CHADL: variants seen among roughly 807,000 people sequenced by gnomAD.
CHADL encodes chondroadherin-like protein.
A neutral mutation model predicts 52.1 loss-of-function variants in CHADL; 48 were observed. The observed-to-expected ratio is 0.92, with a 90% CI of 0.73 to 1.17. CHADL has a LOEUF of 1.17. Among genes scored for constraint, CHADL ranks in the 50% most tolerant of loss-of-function variants. The pLI, the probability that CHADL is intolerant of heterozygous loss-of-function variation, is 0.00. For missense variants in CHADL, 977 were observed against 1,035.1 expected (o/e 0.94, Z 0.77); for synonymous variants, 498 against 511.2 (o/e 0.97, Z 0.35).
intron 1 of CHADL, 64 bp from the exon 2 acceptor site, chr22:41,239,684 G>A: frequency 7.2e-7 from 1 of 1,385,428 alleles, no homozygotes; most frequent in Admixed American, 2.9e-5. Context: ...CCCTCACTTA[G>A]TCCCAGCCAT....
intron 5 of CHADL, among the ~76,000 whole-genome samples, chr22:41,231,804 C>G (rs931134663): frequency 2.6e-5 from 4 of 152,152 alleles, no homozygotes; most frequent in African/African-American, 7.2e-5. Context: ...ACAGGTGAGA[C>G]CAAATCCAGA....
chr22:41,230,437 C>T (rs2032523411), intron 5 of CHADL: 4 of 592,890 alleles, frequency 6.7e-6, no homozygotes, highest in Admixed American at 3.0e-5. Flanking sequence ...GTTGCTTCTG[C>T]CCTCCCCTGT....
At chr22:41,230,002 C>A in intron 5 of CHADL, 1 of 720,310 alleles carries the variant, frequency 1.4e-6, no homozygotes. Context: ...ACTGCCCTCC[C>A]AGAAGGGAAG....
At position 41,235,334 on chromosome 22, in the gene CHADL, A is replaced by T; in HGVS notation, c.2073T>A (p.Thr691=). ...CQLLPLHRWL[T]GLNLRVGATC... ...TGGCCCCCACCCGCAGGTTCAGCCC[A>T]GTAAGCCACCTGAAGAGAAAAGAGA... The change falls in exon 5 of 6, where the codon ACT becomes ACA. Residue 691 remains threonine (T), a synonymous_variant. Coordinates refer to ENST00000216241, the MANE Select transcript of CHADL (RefSeq NM_138481.2). The T allele has an allele frequency of 6.4e-7, 1 of 1,550,700 alleles. No homozygotes were observed. The highest frequency in any genetic ancestry group is 8.7e-7 in the Non-Finnish European group (1 of 1,146,926).
intron 5 of CHADL, among the ~76,000 whole-genome samples, chr22:41,231,891 G>A (rs2032602653): frequency 2.0e-5 from 3 of 152,144 alleles, no homozygotes; most frequent in Admixed American, 2.0e-4. Flanking sequence ...GGAAAGGGAT[G>A]CAAGGGAACT....
chr22:41,232,331 CAAA>C (rs58285002), intron 5 of CHADL, among the ~76,000 whole-genome samples: 2 of 133,668 alleles, frequency 1.5e-5, no homozygotes, highest in Non-Finnish European at 1.6e-5. Flanking sequence ...GACTCTGTCT[CAAA>C]AAAAAAAAAA....
At chr22:41,229,807 G>A (rs146138408) in intron 5 of CHADL, 77 bp from the exon 6 acceptor site, 1 of 1,334,660 alleles carries the variant, frequency 7.5e-7, no homozygotes, top group African/African-American at 1.4e-5. Flanking sequence ...TGGACCCAGG[G>A]TGTTTCCCAG....
At chr22:41,236,701 C>T (rs757219720) in intron 3 of CHADL, 51 bp from the exon 4 acceptor site, 240 of 1,485,498 alleles carry the variant, frequency 1.6e-4, no homozygotes, top group Non-Finnish European at 2.1e-4. Flanking sequence ...AGCTGTCCCA[C>T]CCCCAAGTCT....
In CHADL at chr22:41,238,106, G is replaced by C. The variant is rs1275745792; in HGVS notation, c.966C>G (p.Leu322=). 5.3e-6 allele frequency: 7 copies of C among 1,308,828 alleles called. No homozygotes were observed. Among genetic ancestry groups the C allele is most frequent in the Non-Finnish European group, 5.8e-6 (6 of 1,035,626 alleles). 81.1% of individuals were successfully genotyped at this position (1,308,828 alleles called of 1,614,324 possible). A position where few individuals can be genotyped will look rare whatever the true frequency, so the allele number is the denominator to read the frequency against. Residue 322 remains leucine, a synonymous_variant, in exon 3 of 6, where the codon CTC becomes CTG. Transcript: ENST00000216241. The surrounding 1 kb of genome is among the most constrained non-coding windows in gnomAD (Gnocchi z 4.9). The stretch of plus-strand genomic sequence containing the variant: ...GCACGCGCGCCCGCGCCAGCCACTC[G>C]AGTAGGGGCCGCGCCTGGCAGCCGC... The part of the protein sequence containing the change: ...LWCGCQARPL[L]EWLARARVRS...
chr22:41,238,866 A>C lies in CHADL; in HGVS notation c.206T>G (p.Leu69Arg). 1 of 1,538,268 alleles carries C rather than the reference A, an allele frequency of 6.5e-7. No individual in the cohort carries two copies. Among genetic ancestry groups the C allele is most frequent in the Non-Finnish European group, 8.8e-7 (1 of 1,137,604 alleles). ...AIPELTQRLD[L>R]QGNLLKVIPA... ...GATCACCTTCAGCAAATTGCCCTGC[A>C]GGTCCAGCCGCTGGGTCAGCTGGGG... The change falls in exon 3 of 6, where the codon CTG (leucine) becomes CGG (arginine). Residue 69 changes from leucine to arginine, a missense_variant. Transcript: ENST00000216241. The surrounding 1 kb of genome is among the most constrained non-coding windows in gnomAD (Gnocchi z 4.9).
chr22:41,230,110 C>G, intron 5 of CHADL: 1 of 1,051,148 alleles, frequency 9.5e-7, no homozygotes, highest in Non-Finnish European at 1.5e-6. Flanking sequence ...ATTTACTCGC[C>G]CACCCACCCG....
chr22:41,238,020 C>T lies in CHADL; in HGVS notation c.1052G>A (p.Arg351Gln), dbSNP rs779888775. ...RLRGEALDALRPWDLRCPGDA... is the reference protein window; with the variant it reads ...RLRGEALDALQPWDLRCPGDA... ...CCCAGGGCAGCGCAGGTCCCAGGGC[C>T]GCAGGGCGTCCAGAGCCTCGCCCCG... The change falls in exon 3 of 6, where the codon CGG (arginine) becomes CAG (glutamine). Residue 351 changes from arginine (R) to glutamine (Q), a missense_variant. Physicochemically the swap from Arg to Gln is conservative, Grantham distance 43. Transcript: ENST00000216241. The surrounding 1 kb of genome is among the most constrained non-coding windows in gnomAD (Gnocchi z 4.9). 4.2e-5 allele frequency: 54 copies of T among 1,284,262 alleles called. No individual in the cohort carries two copies. In the African/African-American group the frequency reaches 7.2e-4, roughly 17 times the overall value. The allele number at this position is 1,284,262 out of a possible 1,614,324, so 79.6% of individuals were successfully genotyped here. A position where few individuals can be genotyped will look rare whatever the true frequency, so the allele number is the denominator to read the frequency against.
Position 41,238,308 on chromosome 22 carries a change from C to G in CHADL, c.764G>C (p.Gly255Ala), listed in dbSNP as rs749795580. Residue 255 changes from glycine (G) to alanine (A), a missense_variant, in exon 3 of 6, where the codon GGC (glycine) becomes GCC (alanine). By Grantham distance (60) the Gly-to-Ala change is moderately conservative. Transcript: ENST00000216241. The surrounding 1 kb of genome is among the most constrained non-coding windows in gnomAD (Gnocchi z 4.9). ...AGEEDGLALP[G>A]LRELLLDGGA... ...GCCGTCCAGCAGCAGCTCCCGCAGG[C>G]CGGGCAGCGCCAGCCCGTCCTCCTC... is the stretch of plus-strand genomic sequence containing the variant. 5 of 1,527,300 alleles carry G rather than the reference C, an allele frequency of 3.3e-6. No homozygotes were observed. The African/African-American group carries it at 6.9e-5, about 21-fold the overall frequency. The allele number at this position is 1,527,300 out of a possible 1,614,324, so 94.6% of individuals were successfully genotyped here.
Position 41,238,673 on chromosome 22 carries a change from C to T in CHADL, c.399G>A (p.Leu133=), listed in dbSNP as rs1314172528. 1.3e-6 allele frequency: 2 copies of T among 1,545,322 alleles called. No individual in the cohort carries two copies. The highest frequency in any genetic ancestry group is 2.4e-5 in the South Asian group (2 of 83,956). Residue 133 remains leucine, a synonymous_variant, in exon 3 of 6, where the codon CTG becomes CTA. Coordinates refer to ENST00000216241, the MANE Select transcript of CHADL (RefSeq NM_138481.2). This position sits in a 1 kb window ranked among gnomAD's most constrained non-coding sequence, Gnocchi z 4.9. Reference sequence around the variant, plus strand: ...CCAGCTCCAGCCGCCGCAACGAGCCCAGCCCGTCCAGCGCCTCCTGGGGCA... The same window carrying T: ...CCAGCTCCAGCCGCCGCAACGAGCCTAGCCCGTCCAGCGCCTCCTGGGGCA... ...RELPQEALDG[L]GSLRRLELEG...
In CHADL at chr22:41,238,226, G is replaced by A. The variant is rs1247018270; in HGVS notation, c.846C>T (p.Thr282=). 2 of 1,527,926 alleles carry A rather than the reference G, an allele frequency of 1.3e-6. No individual in the cohort carries two copies. The highest frequency in any genetic ancestry group is 1.4e-5 in the African/African-American group (1 of 71,800). 94.6% of individuals were successfully genotyped at this position (1,527,926 alleles called of 1,614,324 possible). Residue 282 remains threonine (T), a synonymous_variant, in exon 3 of 6, where the codon ACC becomes ACT. Transcript: ENST00000216241. This position sits in a 1 kb window ranked among gnomAD's most constrained non-coding sequence, Gnocchi z 4.9. ...RAFAHCPRLH[T]LDLRGNQLDT... ...CTAGCTGGTTCCCGCGGAGGTCGAG[G>A]GTGTGCAGGCGCGGACAGTGTGCGA...
At chr22:41,233,469 A>C (rs2032673848) in intron 5 of CHADL, among the ~76,000 whole-genome samples, 1 of 152,150 alleles carries the variant, frequency 6.6e-6, no homozygotes, top group Non-Finnish European at 1.5e-5. Flanking sequence ...TCTCAGAAAA[A>C]AAAAGGGGGG....
rs1381085468 is a variant in CHADL at position 41,238,495 on chromosome 22, C to T, written c.577G>A (p.Ala193Thr). 1.9e-6 allele frequency: 3 copies of T among 1,538,748 alleles called. No individual in the cohort carries two copies. Among genetic ancestry groups the T allele is most frequent in the African/African-American group, 1.4e-5 (1 of 72,840 alleles). Residue 193 changes from alanine (A) to threonine (T), a missense_variant, in exon 3 of 6, where the codon GCG (alanine) becomes ACG (threonine). Physicochemically the swap from Ala to Thr is moderately conservative, Grantham distance 58 (BLOSUM62 0). Transcript: ENST00000216241. The surrounding 1 kb of genome is among the most constrained non-coding windows in gnomAD (Gnocchi z 4.9). Reference protein sequence around the residue: ...RVRWLRLSHNALSVLAPEALA... With the variant: ...RVRWLRLSHNTLSVLAPEALA... ...GCCTCGGGGGCCAGCACGCTGAGCG[C>T]GTTGTGCGACAGCCGCAGCCAGCGG...
chr22:41,230,230 C>G (rs764729960), intron 5 of CHADL: 5 of 1,610,270 alleles, frequency 3.1e-6, no homozygotes, highest in Non-Finnish European at 4.2e-6. Context: ...TCGAGAACAT[C>G]AAGCAGGAAA....
chr22:41,232,331 C>CAA (rs58285002), intron 5 of CHADL, among the ~76,000 whole-genome samples: 4 of 133,658 alleles, frequency 3.0e-5, no homozygotes, highest in African/African-American at 2.7e-5. Context: ...GACTCTGTCT[C>CAA]AAAAAAAAAA....
Sources: gnomAD v4.1 joint callset for allele counts (sites outside exome capture counted in the v4.1 genomes callset) on GRCh38, gnomAD v4.1.1 for gene constraint, Gnocchi (gnomAD v3.1) non-coding constraint, MANE v1.5 for transcripts, NCBI Gene and HGNC (gene_info 2026-07-23, HGNC 2026-07-21) for gene names.